Variants in TTK observed in about 807,000 individuals in gnomAD.
The protein encoded by TTK is TTK protein kinase.
TTK carries 59 observed loss-of-function variants against 117.3 expected under a neutral mutation model. The ratio of observed to expected loss-of-function variants is 0.50; its 90% confidence interval spans 0.41 to 0.62. The LOEUF is 0.62. Ranked by LOEUF, TTK falls within the 20% of genes least tolerant of loss-of-function variation. TTK has a pLI of 0.00. For synonymous variants in TTK, 302 were observed against 325.0 expected (o/e 0.93, Z 0.76); for missense variants, 921 against 989.4 (o/e 0.93, Z 0.93).
chr6:80,004,752 A>G (rs559467393), intron 1 of TTK, 39 bp downstream of exon 1: 1 of 151,796 alleles, frequency 6.6e-6, no homozygotes, highest in East Asian at 2.0e-4. Flanking sequence ...GCACTGAGGA[A>G]CAGCCGCAGC....
chr6:80,035,861 T>C (rs1279840974), intron 16 of TTK, among the ~76,000 whole-genome samples: 1 of 152,146 alleles, frequency 6.6e-6, no homozygotes, highest in Non-Finnish European at 1.5e-5. Context: ...TTTTTACTTG[T>C]CCTTGGTTCT....
At chr6:80,038,155 A>G in intron 18 of TTK, 108 bp downstream of exon 18, 1 of 631,658 alleles carries the variant, frequency 1.6e-6, no homozygotes, top group Non-Finnish European at 2.4e-6. Context: ...AAAACTTTTT[A>G]GGCCATTACA....
Position 80,010,972 on chromosome 6 carries a change from A to G in TTK, c.613+15A>G. 3 of 1,602,696 alleles carry G rather than the reference A, an allele frequency of 1.9e-6. No individual in the cohort carries two copies. The highest frequency in any genetic ancestry group is 2.6e-6 in the Non-Finnish European group (3 of 1,174,292). Reference sequence around the variant, plus strand: ...GAATTTATCAGGTAACTATTAAGGTATACTAATACTTTCTGTGGTAGGTAG... The same window carrying G: ...GAATTTATCAGGTAACTATTAAGGTGTACTAATACTTTCTGTGGTAGGTAG... On this transcript the variant is annotated intron_variant, in intron 5 of 21. Coordinates refer to ENST00000369798, the MANE Select transcript of TTK (RefSeq NM_003318.5).
At chr6:80,014,237 C>G (rs78639169) in intron 9 of TTK, among the ~76,000 whole-genome samples, 171 of 152,250 alleles carry the variant, frequency 1.1e-3, no homozygotes, top group African/African-American at 4.0e-3. Context: ...ATTAATACAT[C>G]CACTGAAAGC....
At position 80,040,424 on chromosome 6, in the gene TTK, A is replaced by G. The variant is rs1195658695; in HGVS notation, c.2392+144A>G. On this transcript the variant is annotated intron_variant, in intron 20 of 21. Coordinates refer to ENST00000369798, the MANE Select transcript of TTK (RefSeq NM_003318.5). ...TTAAGGAAGTTCCATTATTATAAAT[A>G]GTAAAGTAAATAAACTTTTTTTTCT... 7 of 919,988 alleles carry G rather than the reference A, an allele frequency of 7.6e-6. No homozygotes were observed. The African/African-American group carries it at 8.6e-5, about 11-fold the overall frequency. 57.0% of individuals were successfully genotyped at this position (919,988 alleles called of 1,614,324 possible). A position where few individuals can be genotyped will look rare whatever the true frequency, so the allele number is the denominator to read the frequency against.
In TTK at chr6:80,016,277, T is replaced by G. The variant is rs527484073; in HGVS notation, c.1108+1691T>G. Among the ~76,000 whole-genome samples, 215 of 152,296 alleles carry G rather than the reference T, an allele frequency of 1.4e-3. 2 individuals carry two copies. Among genetic ancestry groups the G allele is most frequent in the African/African-American group, 4.5e-3 (189 of 41,570 alleles). On this transcript the variant is annotated intron_variant, in intron 10 of 21. Transcript: ENST00000369798. Reference sequence around the variant, plus strand: ...GTTACAGGATATGCATGTGTTCAGCTTTGGAAGATGGTGCCAAACAGTCTG... The same window carrying G: ...GTTACAGGATATGCATGTGTTCAGCGTTGGAAGATGGTGCCAAACAGTCTG...
intron 18 of TTK, among the ~76,000 whole-genome samples, chr6:80,038,812 A>T (rs1198012470): frequency 6.6e-6 from 1 of 151,980 alleles, no homozygotes; most frequent in Non-Finnish European, 1.5e-5. Flanking sequence ...TTTTTATTAG[A>T]CTTTCTGTGG....
At chr6:80,028,731 A>G (rs1345057287) in intron 13 of TTK, among the ~76,000 whole-genome samples, 3 of 152,334 alleles carry the variant, frequency 2.0e-5, no homozygotes, top group Non-Finnish European at 4.4e-5. Flanking sequence ...TAGCAATATG[A>G]GGTACTGCTA....
intron 9 of TTK, 142 bp from the exon 10 acceptor site, chr6:80,014,321 G>T: frequency 1.7e-6 from 1 of 576,944 alleles, no homozygotes. Context: ...CCTTTGCTGG[G>T]GGTTTGTGAG....
intron 3 of TTK, 123 bp from the exon 4 acceptor site, chr6:80,008,263 T>A (rs968097003): frequency 6.2e-5 from 65 of 1,050,130 alleles, no homozygotes; most frequent in Middle Eastern, 3.1e-4. Context: ...AACTTATTAG[T>A]ATTTAATTTT....
At chr6:80,011,836 G>A (rs541285670) in intron 7 of TTK, 35 bp downstream of exon 7, 1 of 1,612,064 alleles carries the variant, frequency 6.2e-7, no homozygotes, top group Non-Finnish European at 8.5e-7. Flanking sequence ...TTAAGGTGGT[G>A]ATAGTCTTTA....
chr6:80,032,049 G>A (rs995523186), intron 14 of TTK, among the ~76,000 whole-genome samples: 16 of 151,936 alleles, frequency 1.1e-4, no homozygotes, highest in African/African-American at 3.9e-4. Flanking sequence ...AATTTATATC[G>A]TTTTACATCT....
At chr6:80,013,224 G>T in intron 8 of TTK, 55 bp from the exon 9 acceptor site, 1 of 1,438,214 alleles carries the variant, frequency 7.0e-7, no homozygotes, top group Non-Finnish European at 9.5e-7. Flanking sequence ...AAAATACATT[G>T]AAAATTTTTT....
At chr6:80,041,988 A>G in intron 21 of TTK, 131 bp from the exon 22 acceptor site, 1 of 492,768 alleles carries the variant, frequency 2.0e-6, no homozygotes, top group East Asian at 3.2e-5. Flanking sequence ...AGTTTATAAA[A>G]TAATTTCCCA....
At chr6:80,029,266 G>C (rs559450048) in intron 13 of TTK, among the ~76,000 whole-genome samples, 6 of 152,242 alleles carry the variant, frequency 3.9e-5, no homozygotes, top group Admixed American at 2.6e-4. Flanking sequence ...ATCACATACT[G>C]AATGTACTTA....
At chr6:80,040,832 T>C in intron 21 of TTK, 129 bp downstream of exon 21, 2 of 709,166 alleles carry the variant, frequency 2.8e-6, no homozygotes, top group Non-Finnish European at 2.3e-6. Flanking sequence ...TTTCTACATT[T>C]AGATACTTAA....
intron 11 of TTK, among the ~76,000 whole-genome samples, chr6:80,025,612 G>T (rs558065531): frequency 6.6e-6 from 1 of 152,314 alleles, no homozygotes; most frequent in South Asian, 2.1e-4. Flanking sequence ...AGGGTTAGCA[G>T]GCTTTCCAGG....
At chr6:80,024,677 G>A (rs1235799216) in intron 11 of TTK, among the ~76,000 whole-genome samples, 2 of 152,096 alleles carry the variant, frequency 1.3e-5, no homozygotes, top group African/African-American at 4.8e-5. Flanking sequence ...TTGGATTGTG[G>A]TGATGGTTGC....
At chr6:80,038,166 G>A in intron 18 of TTK, 119 bp downstream of exon 18, 2 of 537,054 alleles carry the variant, frequency 3.7e-6, no homozygotes, top group Non-Finnish European at 6.0e-6. Flanking sequence ...GGCCATTACA[G>A]AGACATTGCT....
Sources: gnomAD v4.1 joint callset for allele counts (sites outside exome capture counted in the v4.1 genomes callset) on GRCh38, gnomAD v4.1.1 for gene constraint, MANE v1.5 for transcripts, NCBI Gene and HGNC (gene_info 2026-07-23, HGNC 2026-07-21) for gene names.